Variants in R3HCC1L observed in about 807,000 individuals in gnomAD.
The protein encoded by R3HCC1L is R3H domain and coiled-coil containing 1 like.
A neutral mutation model predicts 59.9 loss-of-function variants in R3HCC1L; 51 were observed. The ratio of observed to expected loss-of-function variants is 0.85; its 90% confidence interval spans 0.68 to 1.07. The LOEUF is 1.07. Ranked by LOEUF, R3HCC1L falls within the 50% of genes least tolerant of loss-of-function variation. The probability of loss-of-function intolerance (pLI) is 0.00; values close to 1 mark genes in which losing one functional copy is unlikely to be tolerated. For missense variants in R3HCC1L, 965 were observed against 933.0 expected, an observed-to-expected ratio of 1.03 and a Z score of -0.45; for synonymous variants, 322 against 315.2, an observed-to-expected ratio of 1.02 and a Z score of -0.23.
intron 4 of R3HCC1L, among the ~76,000 whole-genome samples, chr10:98,187,480 G>T (rs1446294351): frequency 6.6e-6 from 1 of 152,000 alleles, no homozygotes; most frequent in African/African-American, 2.4e-5. Context: ...CTGTAAAAAG[G>T]GCTAGTAATG....
chr10:98,199,879 G>A (rs1447386985), intron 4 of R3HCC1L, among the ~76,000 whole-genome samples: 1 of 151,932 alleles, frequency 6.6e-6, no homozygotes, highest in Non-Finnish European at 1.5e-5. Context: ...ATATCTTCCT[G>A]GCATAATTTT....
chr10:98,162,481 C>G (rs1377674534), intron 2 of R3HCC1L, among the ~76,000 whole-genome samples: 4 of 152,116 alleles, frequency 2.6e-5, no homozygotes, highest in African/African-American at 9.7e-5. Flanking sequence ...TTAATATTTG[C>G]CAGTTTGATA....
intron 9 of R3HCC1L, among the ~76,000 whole-genome samples, chr10:98,237,375 C>T (rs996769784): frequency 6.6e-6 from 1 of 152,084 alleles, no homozygotes; most frequent in African/African-American, 2.4e-5. Flanking sequence ...ACAGTGATAT[C>T]TATAAAAGGG....
chr10:98,201,490 A>C (rs1360851084), intron 4 of R3HCC1L, among the ~76,000 whole-genome samples: 1 of 152,224 alleles, frequency 6.6e-6, no homozygotes, highest in Non-Finnish European at 1.5e-5. Flanking sequence ...AATAGATTTG[A>C]AATGAATATA....
intron 5 of R3HCC1L, among the ~76,000 whole-genome samples, chr10:98,222,814 AGAG>A (rs1476452524): frequency 6.6e-6 from 1 of 152,162 alleles, no homozygotes; most frequent in African/African-American, 2.4e-5. Flanking sequence ...AGAAAAAAAG[AGAG>A]AAGAATCTAA....
Position 98,231,616 on chromosome 10 carries a change from T to C in R3HCC1L, c.1890T>C (p.His630=). 6.2e-7 allele frequency: 1 copy of C among 1,612,608 alleles called. No homozygotes were observed. Among genetic ancestry groups the C allele is most frequent in the Non-Finnish European group, 8.5e-7 (1 of 1,178,820 alleles). ...DIDLSDCEFP[H]VIEIYDFPQE... ...ACCTCAGTGATTGTGAATTCCCACA[T>C]GTCATTGAAATTTATGACTTTCCCC... is the stretch of plus-strand genomic sequence containing the variant. Residue 630 remains histidine (H), a synonymous_variant, in exon 6 of 10, where the codon CAT becomes CAC. Coordinates refer to ENST00000298999, the MANE Select transcript of R3HCC1L (RefSeq NM_001351015.2).
chr10:98,136,072 C>CT (rs1222859530), intron 1 of R3HCC1L, among the ~76,000 whole-genome samples: 4 of 143,732 alleles, frequency 2.8e-5, no homozygotes, highest in African/African-American at 1.1e-4. Flanking sequence ...CCAGATTGGT[C>CT]TAACTCCTGG....
Position 98,208,589 on chromosome 10 carries a change from G to C in R3HCC1L, c.475G>C (p.Glu159Gln). 1 of 1,614,116 alleles carries C rather than the reference G, an allele frequency of 6.2e-7. No individual in the cohort carries two copies. Among genetic ancestry groups the C allele is most frequent in the Non-Finnish European group, 8.5e-7 (1 of 1,180,016 alleles). The change falls in exon 5 of 10, where the codon GAG (glutamate) becomes CAG (glutamine). Residue 159 changes from glutamate (E) to glutamine (Q), a missense_variant. Transcript: ENST00000298999. Reference protein sequence around the residue: ...EVETTDVTGHERILLSQACLE... With the variant: ...EVETTDVTGHQRILLSQACLE... ...TGAAACTACGGATGTGACAGGACATGAGAGGATACTTCTTTCACAGGCCTG... is the reference window on the plus strand; with the variant it reads ...TGAAACTACGGATGTGACAGGACATCAGAGGATACTTCTTTCACAGGCCTG...
chr10:98,223,494 T>A (rs956625875), intron 5 of R3HCC1L, among the ~76,000 whole-genome samples: 4 of 151,898 alleles, frequency 2.6e-5, no homozygotes, highest in African/African-American at 7.3e-5. Context: ...AGTATAATAG[T>A]CACTTCTTCA....
intron 4 of R3HCC1L, among the ~76,000 whole-genome samples, chr10:98,186,264 C>T (rs1425943331): frequency 1.3e-5 from 2 of 152,030 alleles, no homozygotes; most frequent in African/African-American, 2.4e-5. Context: ...CTTCTCTTGC[C>T]TGATTGTCTT....
chr10:98,152,286 G>A (rs1471062808), intron 1 of R3HCC1L, among the ~76,000 whole-genome samples: 3 of 152,154 alleles, frequency 2.0e-5, no homozygotes, highest in Admixed American at 6.5e-5. Flanking sequence ...GTGCAGTGGC[G>A]CCATCTCGGC....
chr10:98,211,327 GC>G (rs1398675153), intron 5 of R3HCC1L: 1 of 1,531,814 alleles, frequency 6.5e-7, no homozygotes, highest in Non-Finnish European at 8.7e-7. Flanking sequence ...TGCACATAAA[GC>G]CCGAGAACCA....
chr10:98,173,687 C>T (rs747537041), intron 4 of R3HCC1L, among the ~76,000 whole-genome samples: 3 of 152,134 alleles, frequency 2.0e-5, no homozygotes, highest in Non-Finnish European at 4.4e-5. Context: ...TGATTAATCA[C>T]AGGGCCACAC....
chr10:98,198,907 T>G (rs1391140870), intron 4 of R3HCC1L, among the ~76,000 whole-genome samples: 1 of 152,162 alleles, frequency 6.6e-6, no homozygotes, highest in Non-Finnish European at 1.5e-5. Context: ...GAACCACATA[T>G]GTAATTCTAA....
chr10:98,148,575 G>A (rs1305624227), intron 1 of R3HCC1L, among the ~76,000 whole-genome samples: 1 of 152,228 alleles, frequency 6.6e-6, no homozygotes, highest in African/African-American at 2.4e-5. Flanking sequence ...CCAATGTGCT[G>A]AGGGTTTTTA....
Position 98,184,459 on chromosome 10 carries a change from T to A in R3HCC1L, c.-15+21062T>A, listed in dbSNP as rs182933210. Reference sequence around the variant, plus strand: ...TCAGTACAGTAACATGCTGTACAGGTTTGTAGCCTAAGACCAATAATATAC... The same window carrying A: ...TCAGTACAGTAACATGCTGTACAGGATTGTAGCCTAAGACCAATAATATAC... On this transcript the variant is annotated intron_variant, in intron 4 of 9. Coordinates refer to ENST00000298999, the MANE Select transcript of R3HCC1L (RefSeq NM_001351015.2). 4.0e-4 allele frequency among the ~76,000 whole-genome samples: 61 copies of A among 152,256 alleles called. 1 individual carries two copies. The highest frequency in any genetic ancestry group is 6.8e-3 in the Middle Eastern group (2 of 294).
At chr10:98,213,649 A>G (rs1463887766) in intron 5 of R3HCC1L, among the ~76,000 whole-genome samples, 1 of 152,072 alleles carries the variant, frequency 6.6e-6, no homozygotes, top group East Asian at 1.9e-4. Flanking sequence ...TTCTGTTTCT[A>G]ATTTCTGTTT....
intron 4 of R3HCC1L, among the ~76,000 whole-genome samples, chr10:98,196,073 G>A (rs752150018): frequency 2.0e-5 from 3 of 152,092 alleles, no homozygotes; most frequent in Non-Finnish European, 4.4e-5. Context: ...GGTGAATAGA[G>A]GAGTGCAAAA....
At chr10:98,236,377 T>C (rs1269886911) in intron 9 of R3HCC1L, among the ~76,000 whole-genome samples, 1 of 152,184 alleles carries the variant, frequency 6.6e-6, no homozygotes, top group South Asian at 2.1e-4. Flanking sequence ...TAATCCACGC[T>C]CCTACTGTTG....
Sources: gnomAD v4.1 joint callset for allele counts (sites outside exome capture counted in the v4.1 genomes callset) on GRCh38, gnomAD v4.1.1 for gene constraint, MANE v1.5 for transcripts, NCBI Gene and HGNC (gene_info 2026-07-23, HGNC 2026-07-21) for gene names.